The following CDH18 variants were observed in gnomAD, a reference collection of about 807,000 sequenced individuals.
CDH18 encodes cadherin-18.
CDH18 carries 31 observed loss-of-function variants against 67.9 expected under a neutral mutation model. The ratio of observed to expected loss-of-function variants is 0.46; its 90% CI spans 0.34 to 0.62. The LOEUF is 0.62. CDH18 is among the 20% of genes least tolerant of loss of function. CDH18 has a pLI of 0.01. For missense variants in CDH18, 890 were observed against 975.5 expected (o/e 0.91, Z 1.17); for synonymous variants, 362 against 347.2 (o/e 1.04, Z -0.48).
chr5:20,397,183 T>C (rs1401643295), intron 1 of CDH18, among the ~76,000 whole-genome samples: 1 of 152,104 alleles, frequency 6.6e-6, no homozygotes, highest in African/African-American at 2.4e-5. Context: ...CAAGGTGGAG[T>C]GCAGTGGTAC....
chr5:20,044,613 A>T (rs1437149932), intron 2 of CDH18, among the ~76,000 whole-genome samples: 1 of 152,172 alleles, frequency 6.6e-6, no homozygotes, highest in Admixed American at 6.5e-5. Context: ...TCTGATGAAG[A>T]GGTCATATTA....
intron 2 of CDH18, among the ~76,000 whole-genome samples, chr5:20,122,326 G>GT (rs1462944470): frequency 6.6e-6 from 1 of 152,046 alleles, no homozygotes; most frequent in Non-Finnish European, 1.5e-5. Context: ...TTTTCTCTAT[G>GT]TTTTTTGTAA....
intron 2 of CDH18, among the ~76,000 whole-genome samples, chr5:20,244,977 C>A (rs1317939395): frequency 1.3e-5 from 2 of 152,074 alleles, no homozygotes; most frequent in Non-Finnish European, 2.9e-5. Context: ...TCACAAGAAA[C>A]CTCCAAACTT....
chr5:20,446,851 T>G (rs2150200095), intron 1 of CDH18, among the ~76,000 whole-genome samples: 1 of 152,342 alleles, frequency 6.6e-6, no homozygotes, highest in Non-Finnish European at 1.5e-5. Flanking sequence ...TTAAGTGTGG[T>G]CAGCAGTAAG....
intron 1 of CDH18, among the ~76,000 whole-genome samples, chr5:20,545,620 G>A (rs75754214): frequency 0.011 from 1,747 of 152,294 alleles, 13 homozygotes; most frequent in Middle Eastern, 0.017. Context: ...GAGCAGCTGG[G>A]ATGCAGTGCA....
At chr5:19,677,086 T>C (rs1759598482) in intron 5 of CDH18, among the ~76,000 whole-genome samples, 1 of 151,902 alleles carries the variant, frequency 6.6e-6, no homozygotes, top group South Asian at 2.1e-4. Context: ...ACTGGTAACA[T>C]TCCCAAGACA....
At chr5:20,406,461 A>G (rs1746266477) in intron 1 of CDH18, among the ~76,000 whole-genome samples, 1 of 152,058 alleles carries the variant, frequency 6.6e-6, no homozygotes, top group Admixed American at 6.6e-5. Context: ...TAGCATTAGG[A>G]AATATACCTA....
chr5:19,847,880 T>C (rs75860021), intron 2 of CDH18, among the ~76,000 whole-genome samples: 1 of 152,274 alleles, frequency 6.6e-6, no homozygotes, highest in East Asian at 1.9e-4. Flanking sequence ...TTCTGGTGTC[T>C]ATATGGTGTA....
intron 1 of CDH18, among the ~76,000 whole-genome samples, chr5:20,509,306 A>T (rs1256137843): frequency 6.6e-6 from 1 of 152,044 alleles, no homozygotes; most frequent in Admixed American, 6.6e-5. Context: ...TAGATACTAC[A>T]TATAAGTGAG....
chr5:19,684,361 T>A (rs1374281484), intron 5 of CDH18, among the ~76,000 whole-genome samples: 10 of 151,500 alleles, frequency 6.6e-5, no homozygotes, highest in Non-Finnish European at 8.8e-5. Flanking sequence ...TAATATTTAA[T>A]ATTAGGAATT....
intron 1 of CDH18, among the ~76,000 whole-genome samples, chr5:20,447,548 C>A (rs113428319): frequency 1.3e-5 from 2 of 152,172 alleles, no homozygotes; most frequent in Non-Finnish European, 2.9e-5. Context: ...TACTTCCCAG[C>A]TCTCAGAACT....
intron 1 of CDH18, among the ~76,000 whole-genome samples, chr5:20,439,083 C>G (rs747601131): frequency 6.6e-6 from 1 of 151,500 alleles, no homozygotes; most frequent in Non-Finnish European, 1.5e-5. Flanking sequence ...ACAATCACCT[C>G]TAAAGTGCTC....
At chr5:19,950,302 A>G (rs901934604) in intron 2 of CDH18, among the ~76,000 whole-genome samples, 9 of 152,230 alleles carry the variant, frequency 5.9e-5, no homozygotes, top group African/African-American at 2.2e-4. Context: ...GTTCGCACTT[A>G]TAAGTGGGAG....
At chr5:20,296,557 G>T (rs936188939) in intron 1 of CDH18, among the ~76,000 whole-genome samples, 2 of 151,960 alleles carry the variant, frequency 1.3e-5, no homozygotes, top group Non-Finnish European at 2.9e-5. Flanking sequence ...CACCGCCCCC[G>T]GCCCACTAAG....
intron 5 of CDH18, among the ~76,000 whole-genome samples, chr5:19,644,785 A>C (rs1377934271): frequency 1.3e-5 from 2 of 152,150 alleles, no homozygotes; most frequent in Non-Finnish European, 2.9e-5. Flanking sequence ...GGTTACATCA[A>C]AGCAGGTTGC....
chr5:20,329,893 C>A (rs1030603629), intron 1 of CDH18, among the ~76,000 whole-genome samples: 2 of 151,176 alleles, frequency 1.3e-5, no homozygotes, highest in African/African-American at 4.9e-5. Flanking sequence ...ATAACACATG[C>A]CATTGAAACC....
chr5:19,538,485 A>T (rs1015104), intron 9 of CDH18, among the ~76,000 whole-genome samples: 15,101 of 152,236 alleles, frequency 0.099, 1,024 homozygotes, highest in Non-Finnish European at 0.13. Context: ...GACCATACTC[A>T]TAATGTCATC....
At chr5:19,733,715 A>G (rs1023048768) in intron 4 of CDH18, among the ~76,000 whole-genome samples, 4 of 152,176 alleles carry the variant, frequency 2.6e-5, no homozygotes, top group African/African-American at 9.7e-5. Flanking sequence ...GTCATGGGCA[A>G]GAGCAGGGTA....
intron 10 of CDH18, 41 bp from the exon 11 acceptor site, chr5:19,503,150 C>T (rs767554261): frequency 1.4e-5 from 14 of 988,998 alleles, no homozygotes; most frequent in Middle Eastern, 2.1e-4. Context: ...TTTAATTTTG[C>T]TTGTTCTCTT....
Sources: allele counts gnomAD v4.1 joint callset (sites outside exome capture counted in the v4.1 genomes callset), GRCh38; gene constraint gnomAD v4.1.1; transcripts MANE v1.5; gene names NCBI Gene and HGNC (gene_info 2026-07-23, HGNC 2026-07-21).